Variants in ATRNL1 observed in about 807,000 individuals in gnomAD.
ATRNL1 encodes the protein attractin like 1, also known as attractin-like protein 1.
Under a neutral mutation model 182.7 loss-of-function variants are expected in ATRNL1, and 95 were observed. The observed-to-expected ratio is 0.52, with a 90% confidence interval of 0.44 to 0.62. ATRNL1 has a LOEUF of 0.62. Among genes scored for constraint, ATRNL1 ranks in the 20% least tolerant of loss-of-function variants. The pLI is 0.00. For synonymous variants in ATRNL1, 576 were observed against 568.3 expected (o/e 1.01, Z -0.19); for missense variants, 1,471 against 1,679.5 (o/e 0.88, Z 2.17).
At chr10:115,911,841 G>T (rs78436562) in intron 28 of ATRNL1, among the ~76,000 whole-genome samples, 1 of 152,116 alleles carries the variant, frequency 6.6e-6, no homozygotes. Context: ...CCCTCAAGCC[G>T]CTGCTGCCTT....
At chr10:115,230,910 AGAG>A (rs1849910549) in intron 9 of ATRNL1, among the ~76,000 whole-genome samples, 1,580 of 144,180 alleles carry the variant, frequency 0.011, 33 homozygotes, top group African/African-American at 0.041. Context: ...AGAGAGAGAG[AGAG>A]AGAGAGAGAA....
chr10:115,353,914 C>G (rs1050928349), intron 19 of ATRNL1, among the ~76,000 whole-genome samples: 28 of 152,096 alleles, frequency 1.8e-4, no homozygotes, highest in Non-Finnish European at 8.8e-5. Context: ...TTTTTGTTGT[C>G]TCTATATCTT....
chr10:115,344,615 G>A (rs544437790), intron 19 of ATRNL1, among the ~76,000 whole-genome samples: 2 of 152,310 alleles, frequency 1.3e-5, no homozygotes, highest in South Asian at 4.1e-4. Context: ...CCCACTTGGT[G>A]CTCCATCCAC....
intron 5 of ATRNL1, among the ~76,000 whole-genome samples, chr10:115,148,616 G>A (rs1384789669): frequency 2.6e-5 from 4 of 152,062 alleles, no homozygotes; most frequent in East Asian, 1.9e-4. Flanking sequence ...TAAGGAAATC[G>A]AAGACGTGGA....
intron 27 of ATRNL1, among the ~76,000 whole-genome samples, chr10:115,816,240 C>T (rs1950161615): frequency 6.6e-6 from 1 of 152,116 alleles, no homozygotes; most frequent in African/African-American, 2.4e-5. Flanking sequence ...CACAGTCTGC[C>T]ACTTTGTTCT....
chr10:115,099,775 A>T (rs1442002810), intron 1 of ATRNL1, among the ~76,000 whole-genome samples: 4 of 151,996 alleles, frequency 2.6e-5, no homozygotes, highest in Non-Finnish European at 5.9e-5. Context: ...TGTTAAAAAA[A>T]TTTTCTTACT....
intron 26 of ATRNL1, among the ~76,000 whole-genome samples, chr10:115,612,232 A>T (rs1246567221): frequency 1.3e-5 from 2 of 152,118 alleles, no homozygotes; most frequent in Non-Finnish European, 2.9e-5. Flanking sequence ...AGCCAGGGCA[A>T]CAAGAGTGAA....
chr10:115,499,351 G>A (rs1849702183), intron 24 of ATRNL1, among the ~76,000 whole-genome samples: 1 of 152,116 alleles, frequency 6.6e-6, no homozygotes, highest in Non-Finnish European at 1.5e-5. Flanking sequence ...TTGTTTTCTA[G>A]TACAGCTTGA....
At chr10:115,414,331 TC>T (rs1845285998) in intron 20 of ATRNL1, among the ~76,000 whole-genome samples, 1 of 151,474 alleles carries the variant, frequency 6.6e-6, no homozygotes, top group Non-Finnish European at 1.5e-5. Context: ...TCTTACTCCC[TC>T]CCTTCCTTTC....
intron 10 of ATRNL1, among the ~76,000 whole-genome samples, chr10:115,258,443 G>T (rs781808128): frequency 6.6e-6 from 1 of 151,970 alleles, no homozygotes. Context: ...AAGTTCTCCT[G>T]TCATGGTTTT....
chr10:115,907,038 G>C (rs2134508490), intron 28 of ATRNL1, among the ~76,000 whole-genome samples: 1 of 152,206 alleles, frequency 6.6e-6, no homozygotes, highest in East Asian at 1.9e-4. Flanking sequence ...TTCAGATTAG[G>C]GATGCTCAAC....
Position 115,194,204 on chromosome 10 carries a change from A to G in ATRNL1, c.1349-21493A>G, listed in dbSNP as rs1899722. On this transcript the variant is annotated intron_variant, in intron 8 of 28. Transcript: ENST00000355044. ...TAGATGAAATGGTCTGTAAATGTCT[A>G]TTTGGTCTGTAGTGCAGATTAAGGT... is the stretch of plus-strand genomic sequence containing the variant. Among the ~76,000 whole-genome samples, 19 of 151,982 alleles carry G rather than the reference A, an allele frequency of 1.3e-4. No homozygotes were observed. The East Asian group carries it at 2.9e-3, about 24-fold the overall frequency.
chr10:115,347,164 A>G (rs1281371266), intron 19 of ATRNL1, among the ~76,000 whole-genome samples: 1 of 152,170 alleles, frequency 6.6e-6, no homozygotes, highest in African/African-American at 2.4e-5. Flanking sequence ...GACGTGATAC[A>G]TTTGACAAGC....
intron 28 of ATRNL1, among the ~76,000 whole-genome samples, chr10:115,894,408 G>T (rs923814317): frequency 2.0e-5 from 3 of 152,060 alleles, no homozygotes; most frequent in Admixed American, 6.6e-5. Flanking sequence ...CTTTGAAATT[G>T]GCTACATATA....
intron 19 of ATRNL1, among the ~76,000 whole-genome samples, chr10:115,345,615 T>G (rs2134107077): frequency 6.6e-6 from 1 of 152,294 alleles, no homozygotes; most frequent in African/African-American, 2.4e-5. Flanking sequence ...TCTGTTTAGA[T>G]AGTTGTTAAA....
At chr10:115,207,728 C>G (rs960034122) in intron 8 of ATRNL1, among the ~76,000 whole-genome samples, 3 of 151,988 alleles carry the variant, frequency 2.0e-5, no homozygotes, top group African/African-American at 4.8e-5. Flanking sequence ...CTCTGACTTG[C>G]AAGTGGTTTC....
At chr10:115,562,738 C>T (rs564808055) in intron 26 of ATRNL1, among the ~76,000 whole-genome samples, 4 of 152,290 alleles carry the variant, frequency 2.6e-5, no homozygotes, top group African/African-American at 9.6e-5. Context: ...GTGTTCAGTT[C>T]CCCTTCTGCC....
intron 19 of ATRNL1, among the ~76,000 whole-genome samples, chr10:115,392,014 G>T (rs1844053055): frequency 6.6e-6 from 1 of 152,030 alleles, no homozygotes; most frequent in Non-Finnish European, 1.5e-5. Context: ...TTAGGGTAGT[G>T]GTTACTTCTG....
intron 27 of ATRNL1, among the ~76,000 whole-genome samples, chr10:115,728,550 A>C (rs1947687882): frequency 6.6e-6 from 1 of 152,144 alleles, no homozygotes; most frequent in Admixed American, 6.5e-5. Context: ...TTGTCAAGGA[A>C]AATAAAGAAT....
Sources: allele counts gnomAD v4.1 joint callset (sites outside exome capture counted in the v4.1 genomes callset), GRCh38; gene constraint gnomAD v4.1.1; transcripts MANE v1.5; gene names NCBI Gene and HGNC (gene_info 2026-07-23, HGNC 2026-07-21).